The following PRKAB2 variants were observed in gnomAD, a reference collection of about 807,000 sequenced individuals.
PRKAB2 encodes the protein protein kinase AMP-activated non-catalytic subunit beta 2, also known as 5'-AMP-activated protein kinase subunit beta-2.
PRKAB2 carries 18 observed loss-of-function variants against 29.8 expected under a neutral mutation model. The observed-to-expected ratio is 0.60, with a 90% CI of 0.42 to 0.89. PRKAB2 has a LOEUF of 0.89. PRKAB2 is among the 40% of genes least tolerant of loss of function. The probability of loss-of-function intolerance (pLI) is 0.00; values close to 1 mark genes in which losing one functional copy is unlikely to be tolerated. For synonymous variants in PRKAB2, 136 were observed against 125.9 expected (o/e 1.08, Z -0.54); for missense variants, 270 against 344.3 (o/e 0.78, Z 1.71).
intron 6 of PRKAB2, among the ~76,000 whole-genome samples, chr1:147,162,077 C>CA (rs1653995116): frequency 6.6e-6 from 1 of 151,992 alleles, no homozygotes; most frequent in Admixed American, 6.6e-5. Context: ...TGTTACAAGG[C>CA]AAAAACAATC....
chr1:147,169,465 G>T (rs1280657369), intron 2 of PRKAB2, among the ~76,000 whole-genome samples: 1 of 151,996 alleles, frequency 6.6e-6, no homozygotes, highest in Non-Finnish European at 1.5e-5. Flanking sequence ...CCTCAGATTC[G>T]GATGTAAGAT....
At chr1:147,167,620 C>T in intron 3 of PRKAB2, 147 bp downstream of exon 3, 1 of 911,904 alleles carries the variant, frequency 1.1e-6, no homozygotes, top group Non-Finnish European at 1.6e-6. Context: ...AAAAAAATCC[C>T]ACAGATATAC....
chr1:147,161,898 T>C (rs1653984726), intron 6 of PRKAB2, 118 bp from the exon 7 acceptor site: 1 of 757,962 alleles, frequency 1.3e-6, no homozygotes, highest in East Asian at 2.8e-5. Context: ...GAATGCGCTA[T>C]CTCTTTTCAA....
chr1:147,172,338 T>C (rs1553914587), intron 1 of PRKAB2, 91 bp downstream of exon 1: 13 of 728,610 alleles, frequency 1.8e-5, no homozygotes, highest in Non-Finnish European at 1.7e-5. Context: ...AATACCCCGG[T>C]GCCCTCACTG....
In PRKAB2 at chr1:147,156,593, A is replaced by G. The variant is rs1559604910; in HGVS notation, c.*2972T>C. 1 of 152,264 alleles carries G rather than the reference A, an allele frequency of 6.6e-6. No individual in the cohort carries two copies. The highest frequency in any genetic ancestry group is 1.9e-4 in the East Asian group (1 of 5,184). The allele number at this position is 152,264 out of a possible 1,614,324, so 9.4% of individuals were successfully genotyped here. On this transcript the variant is annotated 3_prime_UTR_variant, in exon 8 of 8. Coordinates refer to ENST00000254101, the MANE Select transcript of PRKAB2 (RefSeq NM_005399.5). The stretch of plus-strand genomic sequence containing the variant: ...AAAGCCAACACTATTGAGGTTAGGT[A>G]TGCCCTTCAGGGGTGTTGCCTAGAA...
At chr1:147,171,609 C>G (rs2101636435) in intron 2 of PRKAB2, among the ~76,000 whole-genome samples, 1 of 152,294 alleles carries the variant, frequency 6.6e-6, no homozygotes, top group Admixed American at 6.5e-5. Context: ...AAACTACCAC[C>G]TATGGTCAGC....
intron 7 of PRKAB2, among the ~76,000 whole-genome samples, chr1:147,161,252 T>A (rs1021943394): frequency 2.6e-5 from 4 of 152,098 alleles, no homozygotes; most frequent in Non-Finnish European, 5.9e-5. Context: ...TCTGGTCACA[T>A]CTCTCCTTTA....
At chr1:147,169,367 G>C (rs1022962987) in intron 2 of PRKAB2, among the ~76,000 whole-genome samples, 2 of 152,152 alleles carry the variant, frequency 1.3e-5, no homozygotes, top group African/African-American at 4.8e-5. Context: ...ATTGACTTAA[G>C]AGAAAACTAC....
intron 5 of PRKAB2, among the ~76,000 whole-genome samples, chr1:147,163,877 G>T (rs1388015375): frequency 6.6e-6 from 1 of 152,006 alleles, no homozygotes; most frequent in Non-Finnish European, 1.5e-5. Context: ...AAAGTATGCA[G>T]ACAAGAATAC....
rs880000719 is a variant in PRKAB2 at position 147,171,975 on chromosome 1, C to CGT, written c.156+13_156+14insAC. ...CTGCAGTACTGACACCAACTGCGGG[C>CGT]ATGGGACGCTTACCTTGGAGTCAGG... On this transcript the variant is annotated intron_variant, in intron 2 of 7. Transcript: ENST00000254101. The CGT allele has an allele frequency of 6.3e-7, 1 of 1,596,618 alleles. No individual in the cohort carries two copies. The highest frequency in any genetic ancestry group is 1.7e-5 in the Admixed American group (1 of 57,756).
In PRKAB2 at chr1:147,172,412, G is replaced by A. The variant is rs587705217; in HGVS notation, c.-24+17C>T. 2 of 530,756 alleles carry A rather than the reference G, an allele frequency of 3.8e-6. No individual in the cohort carries two copies. Among genetic ancestry groups the A allele is most frequent in the Admixed American group, 3.7e-5 (1 of 27,372 alleles). 32.9% of individuals were successfully genotyped at this position (530,756 alleles called of 1,614,324 possible). A position where few individuals can be genotyped will look rare whatever the true frequency, so the allele number is the denominator to read the frequency against. ...CGTCCCCGCGCTCACTGCCAGGGGC[G>A]CCCCCACTCCAGTCACCTCGGGCGA... is the stretch of plus-strand genomic sequence containing the variant. On this transcript the variant is annotated intron_variant, in intron 1 of 7. Coordinates refer to ENST00000254101, the MANE Select transcript of PRKAB2 (RefSeq NM_005399.5).
At chr1:147,170,706 A>G (rs1553914246) in intron 2 of PRKAB2, among the ~76,000 whole-genome samples, 1 of 152,016 alleles carries the variant, frequency 6.6e-6, no homozygotes, top group Non-Finnish European at 1.5e-5. Context: ...CAGCCTCCCG[A>G]GTAGCTGGGA....
chr1:147,169,918 T>A (rs1654434061), intron 2 of PRKAB2, among the ~76,000 whole-genome samples: 1 of 152,224 alleles, frequency 6.6e-6, no homozygotes, highest in Non-Finnish European at 1.5e-5. Context: ...CCCCTGCCAC[T>A]GTTTCTGTCA....
chr1:147,166,582 A>G lies in PRKAB2; in HGVS notation c.454T>C (p.Leu152=). Residue 152 remains leucine, a synonymous_variant, in exon 5 of 8, where the codon TTG becomes CTG. Coordinates refer to ENST00000254101, the MANE Select transcript of PRKAB2 (RefSeq NM_005399.5). ...VTSQLGTINN[L]IHVKKSDFEV... is the part of the protein sequence containing the mutation. ...AAATCAGATTTCTTGACATGGATCAAATTGTTAATTGTGCCAAGCTGACTG... is the reference window on the plus strand; with the variant it reads ...AAATCAGATTTCTTGACATGGATCAGATTGTTAATTGTGCCAAGCTGACTG... 6.2e-7 allele frequency: 1 copy of G among 1,614,152 alleles called. No individual in the cohort carries two copies. The highest frequency in any genetic ancestry group is 8.5e-7 in the Non-Finnish European group (1 of 1,179,994).
chr1:147,164,858 T>C (rs1307106112), intron 5 of PRKAB2, among the ~76,000 whole-genome samples: 1 of 152,248 alleles, frequency 6.6e-6, no homozygotes, highest in East Asian at 1.9e-4. Flanking sequence ...GTCTATTTAT[T>C]GGTTACTTTG....
At chr1:147,167,958 TAGA>T in intron 2 of PRKAB2, 25 bp from the exon 3 acceptor site, 1 of 1,595,588 alleles carries the variant, frequency 6.3e-7, no homozygotes, top group East Asian at 2.2e-5. Flanking sequence ...AGGTCATCCC[TAGA>T]ATAAACTGTG....
At chr1:147,160,518 G>A (rs1427862756) in intron 7 of PRKAB2, among the ~76,000 whole-genome samples, 4 of 152,086 alleles carry the variant, frequency 2.6e-5, no homozygotes, top group Non-Finnish European at 5.9e-5. Flanking sequence ...AAGCAAATCC[G>A]ATTAAGAACA....
intron 2 of PRKAB2, among the ~76,000 whole-genome samples, chr1:147,170,411 T>G (rs1654462244): frequency 6.6e-6 from 1 of 152,152 alleles, no homozygotes; most frequent in Non-Finnish European, 1.5e-5. Context: ...TCCTGAGTCA[T>G]CAACATAGGA....
At chr1:147,161,506 G>A (rs1553913071) in intron 7 of PRKAB2, among the ~76,000 whole-genome samples, 1 of 152,068 alleles carries the variant, frequency 6.6e-6, no homozygotes, top group Admixed American at 6.6e-5. Flanking sequence ...TCCTATCAGA[G>A]GGCAATTCAG....
Sources: gnomAD v4.1 joint callset for allele counts (sites outside exome capture counted in the v4.1 genomes callset) on GRCh38, gnomAD v4.1.1 for gene constraint, MANE v1.5 for transcripts, NCBI Gene and HGNC (gene_info 2026-07-23, HGNC 2026-07-21) for gene names.